SGCD: variants seen among roughly 807,000 people sequenced by gnomAD.
SGCD encodes delta-sarcoglycan.
A neutral mutation model predicts 36.6 loss-of-function variants in SGCD; 18 were observed. That is an observed-to-expected ratio of 0.49 (90% CI 0.34 to 0.73). The LOEUF is 0.73. SGCD is among the 30% of genes least tolerant of loss of function. The pLI is 0.01. For missense variants in SGCD, 387 were observed against 346.7 expected (o/e 1.12, Z -0.92); for synonymous variants, 133 against 130.6 (o/e 1.02, Z -0.12).
At chr5:155,829,121 G>T in the SGCD span, among the ~76,000 whole-genome samples, 1 of 152,206 alleles carries the variant, frequency 6.6e-6, no homozygotes, top group Non-Finnish European at 1.5e-5. Flanking sequence ...CTCTCTAAAA[G>T]TAATCAAGAG....
intron 1 of SGCD, among the ~76,000 whole-genome samples, chr5:155,937,306 G>A (rs1757229923): frequency 6.6e-6 from 1 of 152,196 alleles, no homozygotes; most frequent in Non-Finnish European, 1.5e-5. Context: ...GCTGCTCCAG[G>A]CAGGCCGCTG....
At chr5:156,472,259 A>G (rs2127828925) in intron 3 of SGCD, among the ~76,000 whole-genome samples, 1 of 152,354 alleles carries the variant, frequency 6.6e-6, no homozygotes, top group East Asian at 1.9e-4. Flanking sequence ...AAATGAAAAC[A>G]TATATCCAAA....
At chr5:156,531,336 C>G (rs558962486) in intron 4 of SGCD, among the ~76,000 whole-genome samples, 1 of 152,220 alleles carries the variant, frequency 6.6e-6, no homozygotes, top group Admixed American at 6.5e-5. Context: ...TGTAAATTAC[C>G]CAGGCTGGGG....
chr5:156,316,740 A>G (rs1767527403), intron 3 of SGCD, among the ~76,000 whole-genome samples: 2 of 152,030 alleles, frequency 1.3e-5, no homozygotes, highest in African/African-American at 4.8e-5. Context: ...TGATATTGGA[A>G]AGTTCAGACT....
intron 3 of SGCD, among the ~76,000 whole-genome samples, chr5:156,418,709 A>G (rs1244402224): frequency 2.6e-5 from 4 of 152,224 alleles, no homozygotes; most frequent in Non-Finnish European, 5.9e-5. Flanking sequence ...GGTTAGGTGC[A>G]GGACATTCAG....
At chr5:156,159,079 G>A (rs537413972) in intron 3 of SGCD, among the ~76,000 whole-genome samples, 72 of 151,572 alleles carry the variant, frequency 4.8e-4, no homozygotes, top group Middle Eastern at 6.8e-3. Flanking sequence ...TTTTATTAGC[G>A]TATGTGACCA....
At chr5:156,201,264 T>C (rs540084493) in intron 3 of SGCD, among the ~76,000 whole-genome samples, 1 of 152,270 alleles carries the variant, frequency 6.6e-6, no homozygotes, top group South Asian at 2.1e-4. Flanking sequence ...GTAAATAAAA[T>C]GGTATAATGG....
chr5:155,839,940 T>TTC, the SGCD span, among the ~76,000 whole-genome samples: 2 of 147,952 alleles, frequency 1.4e-5, no homozygotes, highest in Admixed American at 1.3e-4. Flanking sequence ...TGAAAACACT[T>TTC]TTTTTTTTTT....
the SGCD span, among the ~76,000 whole-genome samples, chr5:155,837,490 T>C: frequency 6.6e-6 from 1 of 152,156 alleles, no homozygotes; most frequent in Non-Finnish European, 1.5e-5. Context: ...TTTCACCATA[T>C]AGAATTTTTG....
chr5:156,305,376 G>C (rs553961016), intron 3 of SGCD, among the ~76,000 whole-genome samples: 88 of 152,318 alleles, frequency 5.8e-4, no homozygotes, highest in Admixed American at 2.0e-3. Context: ...TGCTTTCAGA[G>C]GGTGCAAGTC....
intron 7 of SGCD, among the ~76,000 whole-genome samples, chr5:156,729,786 C>G (rs1015405519): frequency 6.6e-6 from 1 of 152,162 alleles, no homozygotes; most frequent in African/African-American, 2.4e-5. Flanking sequence ...CCCATGTCCC[C>G]CTCTCCTCAG....
At chr5:156,269,608 CAT>C (rs1239165148) in intron 3 of SGCD, among the ~76,000 whole-genome samples, 3 of 148,772 alleles carry the variant, frequency 2.0e-5, no homozygotes, top group African/African-American at 7.4e-5. Flanking sequence ...CCTCCCACAA[CAT>C]GTGGGAATTC....
chr5:156,019,041 G>A (rs574625423), intron 1 of SGCD, among the ~76,000 whole-genome samples: 1 of 152,254 alleles, frequency 6.6e-6, no homozygotes, highest in South Asian at 2.1e-4. Context: ...TCATTGTAAA[G>A]ACAAAATTAA....
chr5:156,663,817 T>C (rs1764034972), intron 7 of SGCD, among the ~76,000 whole-genome samples: 1 of 136,668 alleles, frequency 7.3e-6, no homozygotes, highest in South Asian at 2.4e-4. Context: ...ATTGTTGTAT[T>C]GTGGTAACTG....
chr5:156,708,797 G>A (rs948502820), intron 7 of SGCD, among the ~76,000 whole-genome samples: 1 of 152,160 alleles, frequency 6.6e-6, no homozygotes, highest in African/African-American at 2.4e-5. Flanking sequence ...CAAAGAGACA[G>A]TCAGATCCAG....
At chr5:156,285,199 C>G (rs1766560757) in intron 3 of SGCD, among the ~76,000 whole-genome samples, 1 of 152,174 alleles carries the variant, frequency 6.6e-6, no homozygotes, top group African/African-American at 2.4e-5. Context: ...GAAGAACATT[C>G]CATGCTCATG....
At chr5:156,727,870 C>T (rs1755857042) in intron 7 of SGCD, among the ~76,000 whole-genome samples, 1 of 152,162 alleles carries the variant, frequency 6.6e-6, no homozygotes, top group Non-Finnish European at 1.5e-5. Flanking sequence ...GTACAAAAGG[C>T]AGTTGGAAGA....
intron 3 of SGCD, among the ~76,000 whole-genome samples, chr5:156,505,363 A>G (rs1756651501): frequency 6.6e-6 from 1 of 152,238 alleles, no homozygotes; most frequent in Non-Finnish European, 1.5e-5. Context: ...GTTCTGATCC[A>G]CAGGCTGAAG....
intron 4 of SGCD, among the ~76,000 whole-genome samples, chr5:156,559,286 T>C (rs1273396523): frequency 2.0e-5 from 3 of 152,134 alleles, no homozygotes; most frequent in Non-Finnish European, 4.4e-5. Context: ...GCATCTGTCA[T>C]CCCCTCCTTC....
Sources: allele counts gnomAD v4.1 joint callset (sites outside exome capture counted in the v4.1 genomes callset), GRCh38; gene constraint gnomAD v4.1.1; transcripts MANE v1.5; gene names NCBI Gene and HGNC (gene_info 2026-07-23, HGNC 2026-07-21).